The following LRMDA variants were observed in gnomAD, a reference collection of about 807,000 sequenced individuals.
The protein encoded by LRMDA is leucine rich melanocyte differentiation associated, also known as leucine-rich melanocyte differentiation-associated protein.
In LRMDA, 18 loss-of-function variants were observed where a neutral mutation model predicts 29.8. That is an observed-to-expected ratio of 0.60 (90% CI 0.42 to 0.90). LRMDA has a LOEUF of 0.90. LRMDA is among the 40% of genes least tolerant of loss of function. The pLI, the probability that LRMDA is intolerant of heterozygous loss-of-function variation, is 0.00. For synonymous variants in LRMDA, 125 were observed against 109.4 expected, an observed-to-expected ratio of 1.14 and a Z score of -0.89; for missense variants, 273 against 273.9, an observed-to-expected ratio of 1.00 and a Z score of 0.02.
intron 5 of LRMDA, among the ~76,000 whole-genome samples, chr10:76,164,640 C>A (rs544981541): frequency 1.3e-5 from 2 of 152,296 alleles, no homozygotes; most frequent in Non-Finnish European, 2.9e-5. Flanking sequence ...GTTTGCCAAT[C>A]TGTGATCTAA....
At chr10:76,361,440 A>G (rs1446984768) in intron 6 of LRMDA, among the ~76,000 whole-genome samples, 1 of 152,084 alleles carries the variant, frequency 6.6e-6, no homozygotes, top group Non-Finnish European at 1.5e-5. Flanking sequence ...GAGCAAGAAG[A>G]TAATGGAAAC....
chr10:75,761,359 G>T (rs1219336582), intron 2 of LRMDA, among the ~76,000 whole-genome samples: 2 of 152,152 alleles, frequency 1.3e-5, no homozygotes, highest in Non-Finnish European at 2.9e-5. Context: ...CCTTAAAAAG[G>T]AATGAAATTC....
At position 76,441,023 on chromosome 10, in the gene LRMDA, T is replaced by G. The variant is rs919171386; in HGVS notation, c.602-116186T>G. ...TCATAATAAACCAACCTAAGAATCT[T>G]TTCTTCTCATATTCCTTCTTACTGG... On this transcript the variant is annotated intron_variant, in intron 6 of 6. Coordinates refer to ENST00000611255, the MANE Select transcript of LRMDA (RefSeq NM_001305581.2). Among the ~76,000 whole-genome samples, 76 of 152,162 alleles carry G rather than the reference T, an allele frequency of 5.0e-4. 1 individual carries two copies. The highest frequency in any genetic ancestry group is 2.6e-4 in the Admixed American group (4 of 15,278).
chr10:76,497,248 A>G (rs1340738576), intron 6 of LRMDA, among the ~76,000 whole-genome samples: 2 of 72,890 alleles, frequency 2.7e-5, no homozygotes, highest in South Asian at 3.6e-4. Context: ...CATTTCTCTT[A>G]TATATTTTAG....
intron 2 of LRMDA, among the ~76,000 whole-genome samples, chr10:75,561,706 G>A (rs1194815261): frequency 1.3e-5 from 2 of 151,890 alleles, no homozygotes; most frequent in Non-Finnish European, 2.9e-5. Flanking sequence ...CTTTGAATGT[G>A]TCCCAGAGAT....
chr10:76,461,568 G>A (rs1388703944), intron 6 of LRMDA, among the ~76,000 whole-genome samples: 7 of 152,134 alleles, frequency 4.6e-5, no homozygotes, highest in Admixed American at 4.6e-4. Context: ...CCATAAATTT[G>A]TTTTCAGAAT....
chr10:76,417,349 T>G (rs1266594852), intron 6 of LRMDA, among the ~76,000 whole-genome samples: 3 of 152,208 alleles, frequency 2.0e-5, no homozygotes, highest in Non-Finnish European at 2.9e-5. Flanking sequence ...AGCCTTTGTA[T>G]TCACTTGGCA....
At chr10:76,130,702 C>T (rs1464310789) in intron 5 of LRMDA, among the ~76,000 whole-genome samples, 1 of 152,136 alleles carries the variant, frequency 6.6e-6, no homozygotes, top group African/African-American at 2.4e-5. Flanking sequence ...TCTTGTTACC[C>T]AGGCTGGAGT....
chr10:75,832,143 A>G (rs1053304017), intron 2 of LRMDA, among the ~76,000 whole-genome samples: 11 of 152,126 alleles, frequency 7.2e-5, no homozygotes, highest in Admixed American at 7.2e-4. Context: ...TTTTTACTGC[A>G]TCATCAGGCT....
intron 2 of LRMDA, among the ~76,000 whole-genome samples, chr10:75,495,867 C>A (rs1273251200): frequency 2.0e-5 from 3 of 152,190 alleles, no homozygotes; most frequent in East Asian, 1.9e-4. Flanking sequence ...GGTCCCCAAG[C>A]TCTAGGAAAG....
intron 2 of LRMDA, among the ~76,000 whole-genome samples, chr10:75,599,272 T>A (rs891264630): frequency 6.6e-6 from 1 of 152,204 alleles, no homozygotes; most frequent in Non-Finnish European, 1.5e-5. Context: ...TTAAGAGGTG[T>A]AGAACATTTC....
At chr10:76,377,087 G>A (rs1009941842) in intron 6 of LRMDA, among the ~76,000 whole-genome samples, 7 of 151,666 alleles carry the variant, frequency 4.6e-5, no homozygotes, top group Non-Finnish European at 7.4e-5. Flanking sequence ...GGGTTTCACC[G>A]TGTTAGCCAA....
intron 2 of LRMDA, among the ~76,000 whole-genome samples, chr10:75,857,712 T>C (rs982362728): frequency 6.6e-6 from 1 of 152,224 alleles, no homozygotes; most frequent in Non-Finnish European, 1.5e-5. Flanking sequence ...TGTTGCAAAC[T>C]GTAGATGCAG....
intron 2 of LRMDA, among the ~76,000 whole-genome samples, chr10:76,016,752 G>C (rs1414872992): frequency 6.6e-6 from 1 of 152,160 alleles, no homozygotes; most frequent in South Asian, 2.1e-4. Flanking sequence ...CTTACACTAG[G>C]AATCAGAGGC....
At chr10:76,395,043 T>C (rs891877536) in intron 6 of LRMDA, among the ~76,000 whole-genome samples, 1 of 152,150 alleles carries the variant, frequency 6.6e-6, no homozygotes, top group African/African-American at 2.4e-5. Flanking sequence ...GTTCCAGGCA[T>C]ACTACTTCTA....
chr10:75,987,062 G>A (rs527352822), intron 2 of LRMDA, among the ~76,000 whole-genome samples: 6 of 152,234 alleles, frequency 3.9e-5, no homozygotes, highest in South Asian at 2.1e-4. Flanking sequence ...TTTCTATTAC[G>A]TGTGGATTTT....
At chr10:76,008,587 C>T (rs554369229) in intron 2 of LRMDA, among the ~76,000 whole-genome samples, 26 of 152,392 alleles carry the variant, frequency 1.7e-4, no homozygotes, top group Non-Finnish European at 2.8e-4. Flanking sequence ...AGGGGACTGG[C>T]GTGGCCAGTG....
intron 6 of LRMDA, among the ~76,000 whole-genome samples, chr10:76,350,525 T>TC (rs1841163085): frequency 6.6e-6 from 1 of 151,964 alleles, no homozygotes; most frequent in Non-Finnish European, 1.5e-5. Flanking sequence ...TTCCAGTGTT[T>TC]CAGCTAGGCA....
At chr10:76,347,774 A>G (rs1841126965) in intron 6 of LRMDA, among the ~76,000 whole-genome samples, 1 of 152,196 alleles carries the variant, frequency 6.6e-6, no homozygotes, top group Non-Finnish European at 1.5e-5. Flanking sequence ...AATGGGTCAC[A>G]TGCAATTTAA....
Sources: gnomAD v4.1 joint callset for allele counts (sites outside exome capture counted in the v4.1 genomes callset) on GRCh38, gnomAD v4.1.1 for gene constraint, MANE v1.5 for transcripts, NCBI Gene and HGNC (gene_info 2026-07-23, HGNC 2026-07-21) for gene names.